The following INSL6 variants were observed in gnomAD, a reference collection of about 807,000 sequenced individuals.
INSL6 encodes insulin like 6.
Under a neutral mutation model 9.4 loss-of-function variants are expected in INSL6, and 16 were observed. The ratio of observed to expected loss-of-function variants is 1.70; its 90% CI spans 1.15 to 2.59. The LOEUF is 2.59. Among genes scored for constraint, INSL6 ranks in the 30% most tolerant of loss-of-function variants. INSL6 has a pLI of 0.00. For missense variants in INSL6, 391 were observed against 257.3 expected (o/e 1.52, Z -3.56); for synonymous variants, 154 against 96.9 (o/e 1.59, Z -3.46).
chr9:5,009,813 C>A, the INSL6 span, among the ~76,000 whole-genome samples: 31 of 151,872 alleles, frequency 2.0e-4, no homozygotes, highest in Middle Eastern at 3.2e-3. Context: ...CTCTGTTGCC[C>A]AGGCTGGAGT....
At chr9:5,029,962 T>C in the INSL6 span, 15 of 1,482,508 alleles carry the variant, frequency 1.0e-5, no homozygotes, top group Middle Eastern at 1.8e-4. Context: ...TGGGAGAAAT[T>C]ATCAAATATT....
chr9:5,155,025 C>G (rs944485370), intron 2 of INSL6, among the ~76,000 whole-genome samples: 1 of 151,808 alleles, frequency 6.6e-6, no homozygotes, highest in African/African-American at 2.4e-5. Flanking sequence ...CACATGCACA[C>G]GTATGTTTAT....
At chr9:5,178,033 G>A (rs56385018) in intron 1 of INSL6, among the ~76,000 whole-genome samples, 3,538 of 152,238 alleles carry the variant, frequency 0.023, 64 homozygotes, top group Non-Finnish European at 0.038. Context: ...ATGCCACCAT[G>A]CCTAGCTAAT....
chr9:5,181,551 G>C (rs565582042), intron 1 of INSL6, among the ~76,000 whole-genome samples: 1 of 151,944 alleles, frequency 6.6e-6, no homozygotes, highest in South Asian at 2.1e-4. Flanking sequence ...AAGTAAAACT[G>C]AAAAGTTAAC....
intron 2 of INSL6, among the ~76,000 whole-genome samples, chr9:5,139,373 C>A (rs1255657971): frequency 6.6e-6 from 1 of 152,090 alleles, no homozygotes; most frequent in Non-Finnish European, 1.5e-5. Context: ...TGTTGACAGT[C>A]TTTGTAGAAG....
intron 2 of INSL6, among the ~76,000 whole-genome samples, chr9:5,155,687 C>T (rs1192724937): frequency 6.7e-6 from 1 of 150,114 alleles, no homozygotes; most frequent in Non-Finnish European, 1.5e-5. Context: ...CCAAACACCG[C>T]ATGTTCTCAC....
the INSL6 span, among the ~76,000 whole-genome samples, chr9:5,059,381 G>A: frequency 6.6e-6 from 1 of 152,082 alleles, no homozygotes; most frequent in Non-Finnish European, 1.5e-5. Flanking sequence ...CATTTATGTT[G>A]TTACATGTGT....
the INSL6 span, among the ~76,000 whole-genome samples, chr9:5,013,765 TAG>T: frequency 6.6e-6 from 1 of 152,196 alleles, no homozygotes; most frequent in East Asian, 1.9e-4. Context: ...TGTCATTTTG[TAG>T]CACTTAATTT....
the INSL6 span, among the ~76,000 whole-genome samples, chr9:5,075,426 G>C: frequency 6.6e-6 from 1 of 152,176 alleles, no homozygotes; most frequent in African/African-American, 2.4e-5. Context: ...AAGGGCCAAT[G>C]CCATTGGTGA....
chr9:5,040,816 C>T, the INSL6 span: 2 of 209,948 alleles, frequency 9.5e-6, no homozygotes, highest in South Asian at 5.6e-5. Flanking sequence ...GGAGCTGGAG[C>T]GGGGCCCGAG....
At chr9:5,129,637 A>G (rs1824214956) in intron 3 of INSL6, among the ~76,000 whole-genome samples, 1 of 152,182 alleles carries the variant, frequency 6.6e-6, no homozygotes. Flanking sequence ...TTAAGAAAAA[A>G]ACAATTAAAG....
At chr9:5,168,184 A>C (rs1188416650) in intron 1 of INSL6, among the ~76,000 whole-genome samples, 1 of 152,226 alleles carries the variant, frequency 6.6e-6, no homozygotes, top group African/African-American at 2.4e-5. Flanking sequence ...AATGATCGTA[A>C]CATGACTCCA....
At chr9:5,118,319 AAT>A in the INSL6 span, among the ~76,000 whole-genome samples, 3 of 152,206 alleles carry the variant, frequency 2.0e-5, no homozygotes, top group Admixed American at 1.3e-4. Context: ...AATTTTGCAT[AAT>A]ATGTTACACT....
chr9:5,093,654 C>G, the INSL6 span, among the ~76,000 whole-genome samples: 128 of 152,200 alleles, frequency 8.4e-4, no homozygotes, highest in African/African-American at 2.9e-3. Context: ...TCCGAACAAC[C>G]TAAACTAAGA....
the INSL6 span, among the ~76,000 whole-genome samples, chr9:5,038,284 A>G: frequency 6.6e-6 from 1 of 152,200 alleles, no homozygotes; most frequent in Non-Finnish European, 1.5e-5. Flanking sequence ...ATGACAAATA[A>G]AGAAATCAAA....
At chr9:5,121,667 T>G (rs1823624514), downstream of INSL6, among the ~76,000 whole-genome samples, 1 of 152,194 alleles carries the variant, frequency 6.6e-6, no homozygotes, top group African/African-American at 2.4e-5. Flanking sequence ...TTAAAAGATT[T>G]ACATACACTT....
At chr9:5,100,692 G>C in the INSL6 span, 6 of 152,212 alleles carry the variant, frequency 3.9e-5, no homozygotes, top group East Asian at 1.9e-4. Flanking sequence ...CAGCCTGATA[G>C]AAGGAAATCG....
chr9:5,043,106 G>A, the INSL6 span, among the ~76,000 whole-genome samples: 1 of 152,216 alleles, frequency 6.6e-6, no homozygotes, highest in African/African-American at 2.4e-5. Context: ...CAGACAAAAT[G>A]CCTTAAAGCC....
chr9:5,175,707 G>GCCTAT (rs1193931871), intron 1 of INSL6, among the ~76,000 whole-genome samples: 1 of 152,114 alleles, frequency 6.6e-6, no homozygotes, highest in Non-Finnish European at 1.5e-5. Context: ...GATTCTTATA[G>GCCTAT]GAGTGTGAAC....
Sources: allele counts gnomAD v4.1 joint callset (sites outside exome capture counted in the v4.1 genomes callset), GRCh38; gene constraint gnomAD v4.1.1; transcripts MANE v1.5; gene names NCBI Gene and HGNC (gene_info 2026-07-23, HGNC 2026-07-21).